KAZN: variants seen among roughly 807,000 people sequenced by gnomAD.
KAZN encodes the protein kazrin, periplakin interacting protein.
In KAZN, 40 loss-of-function variants were observed where a neutral mutation model predicts 87.4. That is an observed-to-expected ratio of 0.46 (90% CI 0.36 to 0.60). The LOEUF is 0.60. Among genes scored for constraint, KAZN ranks in the 20% least tolerant of loss-of-function variants. KAZN has a pLI of 0.00. For missense variants in KAZN, 898 were observed against 1,073.9 expected, an observed-to-expected ratio of 0.84 and a Z score of 2.29; for synonymous variants, 466 against 458.3, an observed-to-expected ratio of 1.02 and a Z score of -0.22.
intron 1 of KAZN, among the ~76,000 whole-genome samples, chr1:14,943,857 A>T (rs1244909634): frequency 1.3e-5 from 2 of 151,966 alleles, no homozygotes; most frequent in African/African-American, 4.9e-5. Context: ...GGATCACCTG[A>T]GGTCAGGAGT....
At chr1:14,101,865 G>A (rs1226099222) in intron 1 of KAZN, among the ~76,000 whole-genome samples, 3 of 151,984 alleles carry the variant, frequency 2.0e-5, no homozygotes, top group Admixed American at 1.3e-4. Flanking sequence ...TTTCCAAATA[G>A]TGCAAACCTA....
chr1:14,772,123 T>C (rs1314908927), intron 1 of KAZN, among the ~76,000 whole-genome samples: 2 of 152,090 alleles, frequency 1.3e-5, no homozygotes. Flanking sequence ...TCTTTGAATG[T>C]TTCCCTTCTC....
chr1:14,905,797 G>T (rs1017407376), intron 1 of KAZN, among the ~76,000 whole-genome samples: 2 of 149,890 alleles, frequency 1.3e-5, no homozygotes, highest in South Asian at 4.2e-4. Flanking sequence ...GAGCCGAGAT[G>T]GCACCACTGC....
At chr1:14,324,659 A>G (rs1221464837) in intron 2 of KAZN, among the ~76,000 whole-genome samples, 1 of 152,134 alleles carries the variant, frequency 6.6e-6, no homozygotes, top group African/African-American at 2.4e-5. Context: ...AAGTTTCTGC[A>G]AAGGGGGGGA....
At chr1:14,453,192 TGATCC>T (rs1368537620) in intron 2 of KAZN, among the ~76,000 whole-genome samples, 1 of 152,058 alleles carries the variant, frequency 6.6e-6, no homozygotes, top group Non-Finnish European at 1.5e-5. Flanking sequence ...CCTGACCTCG[TGATCC>T]GCCCGCCTCG....
At chr1:14,146,707 A>G (rs1570866370) in intron 1 of KAZN, among the ~76,000 whole-genome samples, 1 of 19,028 alleles carries the variant, frequency 5.3e-5, no homozygotes, top group African/African-American at 6.1e-4. Flanking sequence ...TCATCTCAGA[A>G]AAAAAAAAAA....
In KAZN at chr1:14,739,940, A is replaced by T. The variant is rs542072238; in HGVS notation, c.226+140717A>T. On this transcript the variant is annotated intron_variant, in intron 1 of 14. Transcript: ENST00000376030. ...GATTCAGAGCAATTCTTCAGTGGGAAATGTCACCCTGAATCCTTTTGGCTC... is the reference window on the plus strand; with the variant it reads ...GATTCAGAGCAATTCTTCAGTGGGATATGTCACCCTGAATCCTTTTGGCTC... Among the ~76,000 whole-genome samples the T allele has an allele frequency of 2.1e-4, 32 of 152,236 alleles. No individual in the cohort carries two copies. In the South Asian group the frequency reaches 2.7e-3, roughly 13 times the overall value.
At chr1:14,914,730 GAACTTTCTA>G (rs1657613187) in intron 1 of KAZN, among the ~76,000 whole-genome samples, 1 of 152,226 alleles carries the variant, frequency 6.6e-6, no homozygotes, top group South Asian at 2.1e-4. Context: ...TCTGGAGCCA[GAACTTTCTA>G]AGTTTGAATC....
Position 14,324,711 on chromosome 1 carries a change from C to T in KAZN, c.249+144119C>T, listed in dbSNP as rs115753301. ...ATCTCAACTCGCACTACTGTTATTA[C>T]TCCCTAATCTACTCTTATGGCCTTC... On this transcript the variant is annotated intron_variant, in intron 2 of 16. Coordinates refer to the KAZN transcript ENST00000636203. Among the ~76,000 whole-genome samples the T allele has an allele frequency of 4.2e-3, 647 of 152,298 alleles. 1 individual carries two copies. The highest frequency in any genetic ancestry group is 0.014 in the African/African-American group (565 of 41,558).
At chr1:13,954,022 CTT>C (rs967393740) in intron 1 of KAZN, among the ~76,000 whole-genome samples, 25 of 152,318 alleles carry the variant, frequency 1.6e-4, no homozygotes, top group Non-Finnish European at 3.2e-4. Flanking sequence ...TATCAGTAAA[CTT>C]TGTTTTTTTC....
intron 1 of KAZN, among the ~76,000 whole-genome samples, chr1:14,834,447 C>T (rs561238578): frequency 3.3e-5 from 5 of 151,054 alleles, no homozygotes; most frequent in African/African-American, 7.3e-5. Flanking sequence ...CTGCAAGCTC[C>T]GCCTCTGGGG....
chr1:14,136,497 T>C (rs1645111797), intron 1 of KAZN, among the ~76,000 whole-genome samples: 1 of 152,138 alleles, frequency 6.6e-6, no homozygotes, highest in Non-Finnish European at 1.5e-5. Flanking sequence ...GGACGCTTTG[T>C]TGAAATACAG....
intron 2 of KAZN, among the ~76,000 whole-genome samples, chr1:14,314,926 G>C (rs1014404595): frequency 6.6e-6 from 1 of 152,010 alleles, no homozygotes; most frequent in African/African-American, 2.4e-5. Flanking sequence ...GGAATCATGT[G>C]GTACGTGGCC....
intron 2 of KAZN, among the ~76,000 whole-genome samples, chr1:14,384,910 C>A (rs1163420453): frequency 6.6e-6 from 1 of 151,682 alleles, no homozygotes; most frequent in Non-Finnish European, 1.5e-5. Flanking sequence ...CCTCCTTGTA[C>A]CTCTGGTAGA....
intron 1 of KAZN, among the ~76,000 whole-genome samples, chr1:14,842,110 C>T (rs943737787): frequency 2.6e-5 from 4 of 152,196 alleles, no homozygotes; most frequent in Admixed American, 6.5e-5. Context: ...CTATCTTTTG[C>T]TGATTTGTCT....
chr1:14,384,238 A>G (rs572995293), intron 2 of KAZN, among the ~76,000 whole-genome samples: 1 of 151,702 alleles, frequency 6.6e-6, no homozygotes, highest in South Asian at 2.1e-4. Context: ...GGTTTTCTAG[A>G]TATACAATCA....
chr1:14,970,697 C>T (rs1034544295), intron 2 of KAZN, among the ~76,000 whole-genome samples: 18 of 152,192 alleles, frequency 1.2e-4, no homozygotes, highest in African/African-American at 4.3e-4. Flanking sequence ...GGATCAGCTT[C>T]TTAGTAGATT....
intron 1 of KAZN, among the ~76,000 whole-genome samples, chr1:14,077,491 A>G (rs1290425024): frequency 2.6e-5 from 4 of 152,202 alleles, no homozygotes; most frequent in Admixed American, 2.0e-4. Context: ...CAGCCCCTTG[A>G]TCGCAGCAGC....
intron 1 of KAZN, among the ~76,000 whole-genome samples, chr1:14,077,907 C>T (rs372664919): frequency 9.9e-5 from 15 of 152,092 alleles, no homozygotes; most frequent in African/African-American, 3.1e-4. Flanking sequence ...CAAGAGTTGC[C>T]GGCAGCCGCC....
Sources: gnomAD v4.1 joint callset for allele counts (sites outside exome capture counted in the v4.1 genomes callset) on GRCh38, gnomAD v4.1.1 for gene constraint, MANE v1.5 for transcripts, NCBI Gene and HGNC (gene_info 2026-07-23, HGNC 2026-07-21) for gene names.